MAP3K15: variants seen among roughly 807,000 people sequenced by gnomAD.
MAP3K15 encodes mitogen-activated protein kinase kinase kinase 15, also known as MAPK/ERK kinase kinase 15.
In MAP3K15, 124 loss-of-function variants were observed where a neutral mutation model predicts 99.5. The observed-to-expected ratio is 1.25, with a 90% CI of 1.08 to 1.45. MAP3K15 has a LOEUF of 1.45. MAP3K15 is among the 40% of genes most tolerant of loss of function. MAP3K15 has a pLI of 0.00. For missense variants in MAP3K15, 1,242 were observed against 1,079.7 expected (o/e 1.15, Z -2.11); for synonymous variants, 494 against 439.6 (o/e 1.12, Z -1.55).
Position 19,450,792 on chromosome X carries a change from C to T in MAP3K15, c.995+6121G>A, listed in dbSNP as rs113773923. On this transcript the variant is annotated intron_variant, in intron 6 of 28. Transcript: ENST00000338883. ...CGGGCTCAAGGAGGCCAGTGAGGAG[C>T]AATGAAGACAGAGCCCTTTAAGCAA... Among the ~76,000 whole-genome samples, 418 of 107,820 alleles carry T rather than the reference C, an allele frequency of 3.9e-3. 5 individuals carry two copies. Among genetic ancestry groups the T allele is most frequent in the African/African-American group, 0.013 (394 of 30,140 alleles). 93.6% of individuals were successfully genotyped at this position (107,820 alleles called of 115,157 possible).
At chrX:19,379,781 T>C (rs1363702368) in intron 19 of MAP3K15, among the ~76,000 whole-genome samples, 1 of 111,541 alleles carries the variant, frequency 9.0e-6, no homozygotes, top group South Asian at 3.8e-4. Flanking sequence ...TGAACACCAA[T>C]GGTCCCCCCA....
chrX:19,405,554 C>A (rs2063642163), intron 13 of MAP3K15, among the ~76,000 whole-genome samples: 2 of 112,089 alleles, frequency 1.8e-5, no homozygotes, highest in South Asian at 7.4e-4. Flanking sequence ...GAACGTGGAC[C>A]AGAGGAAAAA....
At position 19,437,450 on chromosome X, in the gene MAP3K15, C is replaced by G. The variant is rs1241186090; in HGVS notation, c.996-5842G>C. On this transcript the variant is annotated intron_variant, in intron 6 of 28. Transcript: ENST00000338883. ...CTGTGCCCCGATCACCTACTATGCT[C>G]CAGCTACACAAGCTTCCTTGCTGTT... Among the ~76,000 whole-genome samples the G allele has an allele frequency of 3.0e-4, 34 of 111,554 alleles. No individual in the cohort carries two copies. In the Admixed American group the frequency reaches 3.3e-3, roughly 11 times the overall value.
At chrX:19,465,463 T>C (rs1276939239) in intron 3 of MAP3K15, among the ~76,000 whole-genome samples, 1 of 109,812 alleles carries the variant, frequency 9.1e-6, no homozygotes, top group Non-Finnish European at 1.9e-5. Context: ...ACACAAATAC[T>C]GGCCAGGCGC....
chrX:19,485,611 G>A (rs936117388), intron 3 of MAP3K15, among the ~76,000 whole-genome samples: 4 of 111,170 alleles, frequency 3.6e-5, no homozygotes, highest in African/African-American at 1.3e-4. Context: ...GCAGGTTGGG[G>A]ACTTCTGCAG....
In MAP3K15 at chrX:19,486,508, GAAAAGA is replaced by G; in HGVS notation, c.502-9_502-4del. 1 of 883,428 alleles carries G rather than the reference GAAAAGA, an allele frequency of 1.1e-6. No homozygotes were observed. The highest frequency in any genetic ancestry group is 1.5e-6 in the Non-Finnish European group (1 of 656,980). The allele number at this position is 883,428 out of a possible 1,213,427, so 72.8% of individuals were successfully genotyped here. A position where few individuals can be genotyped will look rare whatever the true frequency, so the allele number is the denominator to read the frequency against. On this transcript the variant is annotated splice_region_variant and splice_polypyrimidine_tract_variant and intron_variant, in intron 2 of 28. Transcript: ENST00000338883. ...GTGTTTTTTTGAGTTACCATGTCCT[GAAAAGA>G]AAAAGAAAAGATGAATATAGCTTTT...
At chrX:19,421,024 G>C (rs2063779776) in intron 9 of MAP3K15, among the ~76,000 whole-genome samples, 1 of 111,078 alleles carries the variant, frequency 9.0e-6, no homozygotes, top group South Asian at 3.8e-4. Flanking sequence ...GTATTGATGG[G>C]ACGTATCTCA....
intron 3 of MAP3K15, among the ~76,000 whole-genome samples, chrX:19,471,470 C>T (rs756668625): frequency 1.1e-4 from 12 of 111,273 alleles, no homozygotes; most frequent in Non-Finnish European, 2.3e-4. Context: ...CCATGTTGGT[C>T]AGGCTGGTCT....
At chrX:19,437,671 G>A (rs1440150000) in intron 6 of MAP3K15, among the ~76,000 whole-genome samples, 1 of 111,388 alleles carries the variant, frequency 9.0e-6, no homozygotes, top group African/African-American at 3.3e-5. Flanking sequence ...ATACATTTAG[G>A]TTTTTTTTAT....
chrX:19,427,979 T>G (rs1258161619), intron 7 of MAP3K15, among the ~76,000 whole-genome samples: 2 of 110,820 alleles, frequency 1.8e-5, no homozygotes, highest in African/African-American at 6.6e-5. Flanking sequence ...TGTGACTGTT[T>G]TATTTTCTTC....
At chrX:19,400,324 T>A (rs892433986) in intron 14 of MAP3K15, among the ~76,000 whole-genome samples, 1 of 111,791 alleles carries the variant, frequency 8.9e-6, no homozygotes, top group Non-Finnish European at 1.9e-5. Context: ...CTTTCATAGG[T>A]TGTTCACAAA....
At chrX:19,463,632 G>T in intron 4 of MAP3K15, among the ~76,000 whole-genome samples, 1 of 111,959 alleles carries the variant, frequency 8.9e-6, no homozygotes, top group Admixed American at 9.5e-5. Context: ...TGCTACACAG[G>T]TAGGAATCAT....
At chrX:19,388,982 C>T (rs752943043) in intron 18 of MAP3K15, among the ~76,000 whole-genome samples, 58 of 111,965 alleles carry the variant, frequency 5.2e-4, no homozygotes, top group African/African-American at 1.8e-3. Context: ...AGTACCCATA[C>T]ACACCACTGC....
chrX:19,483,080 C>G (rs1037699418), intron 3 of MAP3K15, among the ~76,000 whole-genome samples: 3 of 101,672 alleles, frequency 3.0e-5, no homozygotes, highest in Non-Finnish European at 5.8e-5. Flanking sequence ...GAAACCCTGT[C>G]TCTACTAAAA....
At chrX:19,442,850 G>A (rs921556554) in intron 6 of MAP3K15, among the ~76,000 whole-genome samples, 8 of 105,057 alleles carry the variant, frequency 7.6e-5, no homozygotes, top group African/African-American at 2.4e-4. Flanking sequence ...AGCCTCCCGA[G>A]TACCTGGGAT....
At chrX:19,487,146 G>T (rs936458514) in intron 2 of MAP3K15, among the ~76,000 whole-genome samples, 1 of 106,913 alleles carries the variant, frequency 9.4e-6, no homozygotes, top group Admixed American at 1.0e-4. Context: ...GGGGAAGGGC[G>T]GAGAAAACAC....
At chrX:19,445,963 A>C (rs2063995267) in intron 6 of MAP3K15, among the ~76,000 whole-genome samples, 1 of 108,329 alleles carries the variant, frequency 9.2e-6, no homozygotes, top group African/African-American at 3.3e-5. Context: ...TCAATAAATA[A>C]ATAAATAAAT....
At chrX:19,442,816 G>A (rs936170359) in intron 6 of MAP3K15, among the ~76,000 whole-genome samples, 18 of 105,296 alleles carry the variant, frequency 1.7e-4, no homozygotes, top group Non-Finnish European at 3.3e-4. Flanking sequence ...TCCACTTCCC[G>A]GGTTCAGTTG....
At chrX:19,504,544 G>T (rs1449857669) in intron 1 of MAP3K15, among the ~76,000 whole-genome samples, 1 of 111,798 alleles carries the variant, frequency 8.9e-6, no homozygotes, top group Non-Finnish European at 1.9e-5. Context: ...TCACGTGAAA[G>T]GTGGCAAGGA....
Sources: gnomAD v4.1 joint callset for allele counts (sites outside exome capture counted in the v4.1 genomes callset) on GRCh38, gnomAD v4.1.1 for gene constraint, MANE v1.5 for transcripts, NCBI Gene and HGNC (gene_info 2026-07-23, HGNC 2026-07-21) for gene names.